MOB3B: variants seen among roughly 807,000 people sequenced by gnomAD.
MOB3B encodes MOB kinase activator-like 2B.
Under a neutral mutation model 18.7 loss-of-function variants are expected in MOB3B, and 7 were observed. That is an observed-to-expected ratio of 0.37 (90% CI 0.21 to 0.70). The LOEUF (loss-of-function observed/expected upper bound fraction) is 0.70, where lower values mean the gene tolerates loss of function less well. Among genes scored for constraint, MOB3B ranks in the 30% least tolerant of loss-of-function variants. The pLI, the probability that MOB3B is intolerant of heterozygous loss-of-function variation, is 0.52. For missense variants in MOB3B, 253 were observed against 281.3 expected (o/e 0.90, Z 0.72); for synonymous variants, 111 against 99.9 (o/e 1.11, Z -0.66).
chr9:27,477,281 G>A (rs548803705), intron 1 of MOB3B, among the ~76,000 whole-genome samples: 23 of 152,174 alleles, frequency 1.5e-4, no homozygotes, highest in Non-Finnish European at 2.8e-4. Flanking sequence ...TGGAGAAAAC[G>A]GACTCACACC....
At chr9:27,462,998 A>G (rs1819317580) in intron 1 of MOB3B, among the ~76,000 whole-genome samples, 1 of 152,248 alleles carries the variant, frequency 6.6e-6, no homozygotes, top group African/African-American at 2.4e-5. Flanking sequence ...CCCAGTGGCT[A>G]ACAGCACACA....
At chr9:27,368,722 A>C (rs2131364709) in intron 2 of MOB3B, among the ~76,000 whole-genome samples, 1 of 152,300 alleles carries the variant, frequency 6.6e-6, no homozygotes, top group Admixed American at 6.5e-5. Context: ...GGCCAAAAGA[A>C]AGACAAACAG....
chr9:27,399,307 G>A (rs1821842712), intron 2 of MOB3B, among the ~76,000 whole-genome samples: 1 of 152,158 alleles, frequency 6.6e-6, no homozygotes, highest in Non-Finnish European at 1.5e-5. Context: ...CTGCAAATAG[G>A]CTATTAAATA....
Position 27,338,024 on chromosome 9 carries a change from C to T in MOB3B, c.622-7408G>A, listed in dbSNP as rs148213279. 3.5e-3 allele frequency among the ~76,000 whole-genome samples: 536 copies of T among 152,306 alleles called. 7 individuals carry two copies. Among genetic ancestry groups the T allele is most frequent in the Middle Eastern group, 0.024 (7 of 294 alleles). ...CAGAAGCACCACTCTCTAATGCCTGCTGGTGTCCTCAACAGCACTGGCTGG... is the reference window on the plus strand; with the variant it reads ...CAGAAGCACCACTCTCTAATGCCTGTTGGTGTCCTCAACAGCACTGGCTGG... On this transcript the variant is annotated intron_variant, in intron 3 of 3. Transcript: ENST00000262244.
At chr9:27,528,742 T>C (rs1007658526) in intron 1 of MOB3B, among the ~76,000 whole-genome samples, 1 of 147,268 alleles carries the variant, frequency 6.8e-6, no homozygotes, top group African/African-American at 2.5e-5. Flanking sequence ...GAGATCTCTG[T>C]GGGGAGGGTT....
At chr9:27,525,069 G>A (rs1820414469) in intron 1 of MOB3B, 1 of 938,424 alleles carries the variant, frequency 1.1e-6, no homozygotes. Context: ...CCTGTCCTCA[G>A]TTGGACTGGT....
intron 1 of MOB3B, among the ~76,000 whole-genome samples, chr9:27,498,660 A>G (rs1437725314): frequency 1.3e-5 from 2 of 152,226 alleles, no homozygotes; most frequent in African/African-American, 2.4e-5. Flanking sequence ...CTAGGTCAAC[A>G]GAGAAAACCC....
chr9:27,478,388 A>T lies in MOB3B; in HGVS notation c.-198-22640T>A, dbSNP rs572558523. Among the ~76,000 whole-genome samples the T allele has an allele frequency of 3.3e-4, 51 of 152,362 alleles. 1 individual carries two copies. The South Asian group carries it at 0.01, about 31-fold the overall frequency. On this transcript the variant is annotated intron_variant, in intron 1 of 3. Transcript: ENST00000262244. ...ATCTGACAGGATCTATAAGCTAATT[A>T]CGTTTAAAAGTTTTTTTTAACATAA...
At chr9:27,428,828 T>A (rs573934938) in intron 2 of MOB3B, among the ~76,000 whole-genome samples, 1 of 152,180 alleles carries the variant, frequency 6.6e-6, no homozygotes, top group Admixed American at 6.5e-5. Context: ...GATAAGGGAC[T>A]GGGTGGGTTG....
chr9:27,340,185 A>G (rs1820918444), intron 3 of MOB3B, among the ~76,000 whole-genome samples: 1 of 152,204 alleles, frequency 6.6e-6, no homozygotes, highest in Admixed American at 6.5e-5. Flanking sequence ...GGGCGTTTCC[A>G]CGATGGAGGG....
At position 27,328,122 on chromosome 9, in the gene MOB3B, G is replaced by A. The variant is rs528705012; in HGVS notation, c.*2465C>T. On this transcript the variant is annotated 3_prime_UTR_variant, in exon 4 of 4. Coordinates refer to ENST00000262244, the MANE Select transcript of MOB3B (RefSeq NM_024761.5). Reference sequence around the variant, plus strand: ...AAACATTAACAACTGATGCACTAAAGGACATAAGGGTACTCACTATAATCT... The same window carrying A: ...AAACATTAACAACTGATGCACTAAAAGACATAAGGGTACTCACTATAATCT... 1.3e-5 allele frequency: 2 copies of A among 151,430 alleles called. No individual in the cohort carries two copies. Among genetic ancestry groups the A allele is most frequent in the East Asian group, 3.9e-4 (2 of 5,154 alleles). 9.4% of individuals were successfully genotyped at this position (151,430 alleles called of 1,614,324 possible).
intron 1 of MOB3B, among the ~76,000 whole-genome samples, chr9:27,527,502 G>A (rs1246750718): frequency 6.6e-6 from 1 of 152,194 alleles, no homozygotes; most frequent in Non-Finnish European, 1.5e-5. Context: ...AAACTCAAAA[G>A]TTCTGTTGAG....
intron 3 of MOB3B, among the ~76,000 whole-genome samples, chr9:27,338,893 G>A (rs1412290131): frequency 6.6e-6 from 1 of 152,236 alleles, no homozygotes; most frequent in Non-Finnish European, 1.5e-5. Flanking sequence ...TGGACAGGCA[G>A]GTAACTCCAC....
intron 1 of MOB3B, among the ~76,000 whole-genome samples, chr9:27,494,737 A>G (rs1819872493): frequency 6.6e-6 from 1 of 151,758 alleles, no homozygotes; most frequent in Non-Finnish European, 1.5e-5. Flanking sequence ...CTGGTCTCGA[A>G]CTCCTGATCT....
At chr9:27,467,498 A>G (rs1000866368) in intron 1 of MOB3B, among the ~76,000 whole-genome samples, 6 of 152,248 alleles carry the variant, frequency 3.9e-5, no homozygotes, top group Non-Finnish European at 8.8e-5. Context: ...CTTCCCCACA[A>G]GACCTAAGCA....
chr9:27,512,275 C>G (rs61434304), intron 1 of MOB3B, among the ~76,000 whole-genome samples: 4,921 of 152,218 alleles, frequency 0.032, 107 homozygotes, highest in Middle Eastern at 0.065. Context: ...ATGTTTTTTA[C>G]AGTAGCTGGT....
At chr9:27,360,391 G>A (rs374036642) in intron 2 of MOB3B, among the ~76,000 whole-genome samples, 1 of 152,214 alleles carries the variant, frequency 6.6e-6, no homozygotes, top group African/African-American at 2.4e-5. Context: ...TGTAATCCCA[G>A]CTACTCAGGA....
rs543061003 is a variant in MOB3B, at chr9:27,366,902, G to A, written c.419-7666C>T. ...CTTGGCTCAGTGTCTCCCATCATCCGCAGACCCAGCTTCCCTGGCATCTGT... is the reference window on the plus strand; with the variant it reads ...CTTGGCTCAGTGTCTCCCATCATCCACAGACCCAGCTTCCCTGGCATCTGT... On this transcript the variant is annotated intron_variant, in intron 2 of 3. Transcript: ENST00000262244. Among the ~76,000 whole-genome samples the A allele has an allele frequency of 4.4e-4, 67 of 152,258 alleles. 1 individual carries two copies. Among genetic ancestry groups the A allele is most frequent in the Non-Finnish European group, 2.6e-4 (18 of 68,022 alleles).
chr9:27,343,478 T>TAAAAAA (rs779124158), intron 3 of MOB3B, among the ~76,000 whole-genome samples: 49 of 84,276 alleles, frequency 5.8e-4, no homozygotes, highest in Non-Finnish European at 6.7e-4. Context: ...CAATAAATAC[T>TAAAAAA]AAAAAAAAAA....
Sources: gnomAD v4.1 joint callset for allele counts (sites outside exome capture counted in the v4.1 genomes callset) on GRCh38, gnomAD v4.1.1 for gene constraint, MANE v1.5 for transcripts, NCBI Gene and HGNC (gene_info 2026-07-23, HGNC 2026-07-21) for gene names.